The following LRRC4C variants were observed in gnomAD, a reference collection of about 807,000 sequenced individuals.
The protein encoded by LRRC4C is leucine rich repeat containing 4C.
In LRRC4C, 5 loss-of-function variants were observed where a neutral mutation model predicts 33.6. The ratio of observed to expected loss-of-function variants is 0.15; its 90% confidence interval spans 0.08 to 0.31. The LOEUF is 0.31. Among genes scored for constraint, LRRC4C ranks in the 10% least tolerant of loss-of-function variants. LRRC4C has a pLI of 1.00. For missense variants in LRRC4C, 560 were observed against 796.7 expected, an observed-to-expected ratio of 0.70 and a Z score of 3.58; for synonymous variants, 329 against 302.0, an observed-to-expected ratio of 1.09 and a Z score of -0.93.
intron 4 of LRRC4C, among the ~76,000 whole-genome samples, chr11:40,297,837 A>T (rs1944588120): frequency 6.6e-6 from 1 of 152,184 alleles, no homozygotes; most frequent in Non-Finnish European, 1.5e-5. Flanking sequence ...TAAATAAGGG[A>T]ACCTAGCTAG....
At chr11:40,241,966 C>T (rs1461473561) in intron 4 of LRRC4C, 1 of 152,022 alleles carries the variant, frequency 6.6e-6, no homozygotes, top group Non-Finnish European at 1.5e-5. Flanking sequence ...CTGTCTGGGC[C>T]CTGCTTCAGG....
chr11:40,479,358 T>C (rs2138384570), intron 3 of LRRC4C, among the ~76,000 whole-genome samples: 1 of 152,326 alleles, frequency 6.6e-6, no homozygotes, highest in South Asian at 2.1e-4. Flanking sequence ...TTTAGGAAAG[T>C]GGTCCATTTT....
intron 2 of LRRC4C, among the ~76,000 whole-genome samples, chr11:40,780,325 T>C (rs1274878624): frequency 6.6e-6 from 1 of 152,160 alleles, no homozygotes; most frequent in Non-Finnish European, 1.5e-5. Flanking sequence ...TGGACCTACA[T>C]ACACAGGAAT....
At chr11:40,186,690 A>G (rs1861426912) in intron 5 of LRRC4C, among the ~76,000 whole-genome samples, 1 of 152,200 alleles carries the variant, frequency 6.6e-6, no homozygotes, top group African/African-American at 2.4e-5. Context: ...TGTCGGGCTC[A>G]GCATAAGTTT....
intron 3 of LRRC4C, among the ~76,000 whole-genome samples, chr11:40,384,887 A>G (rs929902459): frequency 2.0e-5 from 3 of 152,146 alleles, no homozygotes; most frequent in African/African-American, 7.2e-5. Flanking sequence ...AATTCTGGAA[A>G]TTATCCTGCA....
At chr11:41,227,405 A>T (rs1053099733) in intron 1 of LRRC4C, among the ~76,000 whole-genome samples, 2 of 152,184 alleles carry the variant, frequency 1.3e-5, no homozygotes, top group Non-Finnish European at 2.9e-5. Flanking sequence ...TTAACATGTT[A>T]TTATGAGAAT....
intron 2 of LRRC4C, among the ~76,000 whole-genome samples, chr11:40,786,685 T>C (rs1464507349): frequency 1.3e-5 from 2 of 152,154 alleles, no homozygotes; most frequent in Admixed American, 1.3e-4. Flanking sequence ...TTGGTGTATG[T>C]AACAAGGGTC....
chr11:41,282,735 T>C (rs1949712307), intron 1 of LRRC4C, among the ~76,000 whole-genome samples: 1 of 152,140 alleles, frequency 6.6e-6, no homozygotes, highest in Non-Finnish European at 1.5e-5. Flanking sequence ...TGAGCAAATA[T>C]ATGTGGCCTT....
At chr11:40,464,495 G>A (rs1952559923) in intron 3 of LRRC4C, among the ~76,000 whole-genome samples, 1 of 151,950 alleles carries the variant, frequency 6.6e-6, no homozygotes. Context: ...GAAAGAGAAA[G>A]ATATAAAAGG....
intron 1 of LRRC4C, among the ~76,000 whole-genome samples, chr11:41,116,529 T>C (rs7128323): frequency 1.1e-4 from 16 of 152,032 alleles, no homozygotes; most frequent in Admixed American, 3.3e-4. Flanking sequence ...CAAAATACAG[T>C]AACAGTAATA....
At chr11:40,390,031 A>G (rs1424752732) in intron 3 of LRRC4C, among the ~76,000 whole-genome samples, 1 of 152,204 alleles carries the variant, frequency 6.6e-6, no homozygotes, top group African/African-American at 2.4e-5. Context: ...GACAATTTAT[A>G]ATTACATCAA....
intron 1 of LRRC4C, among the ~76,000 whole-genome samples, chr11:41,457,275 T>A (rs189719746): frequency 7.9e-5 from 12 of 152,278 alleles, no homozygotes; most frequent in Admixed American, 7.8e-4. Context: ...CAGAACGACA[T>A]TTTTAAAGGA....
intron 1 of LRRC4C, among the ~76,000 whole-genome samples, chr11:41,117,770 G>T (rs1451707522): frequency 6.6e-6 from 1 of 151,882 alleles, no homozygotes; most frequent in Non-Finnish European, 1.5e-5. Flanking sequence ...GGTGCAATAG[G>T]ACCATTTCAA....
At position 40,114,531 on chromosome 11, in the gene LRRC4C, G is replaced by C. The variant is rs1195054432; in HGVS notation, c.1762C>G (p.Pro588Ala). 6.2e-7 allele frequency: 1 copy of C among 1,614,134 alleles called. No homozygotes were observed. Among genetic ancestry groups the C allele is most frequent in the South Asian group, 1.1e-5 (1 of 91,076 alleles). ...TTTAGGTGCTCATGCTCGATAGCAG[G>C]CATGGGCAGGTGGCTTTCCATGGGT... ...DTPMESHLPM[P>A]AIEHEHLNHY... is the part of the protein sequence containing the mutation. The change falls in exon 7 of 7, where the codon CCT (proline) becomes GCT (alanine). Residue 588 changes from proline (P) to alanine (A), a missense_variant. By Grantham distance (27) the Pro-to-Ala change is conservative. This residue lies in a region of LRRC4C where 103 missense variants were observed against 132.1 expected (regional missense o/e 0.78). Transcript: ENST00000528697.
chr11:40,597,463 T>C (rs1311503543), intron 3 of LRRC4C, among the ~76,000 whole-genome samples: 10 of 152,194 alleles, frequency 6.6e-5, no homozygotes, highest in African/African-American at 2.4e-4. Context: ...ATAATCTCTA[T>C]TGTCTATCAT....
intron 3 of LRRC4C, among the ~76,000 whole-genome samples, chr11:40,359,829 T>G (rs893694382): frequency 4.6e-5 from 7 of 152,108 alleles, no homozygotes; most frequent in Non-Finnish European, 1.0e-4. Context: ...AAAATTAGAG[T>G]TAGAATTGAA....
At chr11:40,311,956 A>G (rs898695327) in intron 4 of LRRC4C, among the ~76,000 whole-genome samples, 2 of 151,712 alleles carry the variant, frequency 1.3e-5, no homozygotes, top group African/African-American at 4.8e-5. Context: ...AAAAAAAAAA[A>G]AAAAAAAAGT....
At chr11:40,546,698 A>T (rs370606702) in intron 3 of LRRC4C, among the ~76,000 whole-genome samples, 16 of 152,252 alleles carry the variant, frequency 1.1e-4, no homozygotes, top group African/African-American at 3.6e-4. Context: ...AGTGGCAAAT[A>T]TATACCACCA....
chr11:40,773,679 G>A (rs1021922379), intron 2 of LRRC4C, among the ~76,000 whole-genome samples: 1 of 151,912 alleles, frequency 6.6e-6, no homozygotes, highest in African/African-American at 2.4e-5. Context: ...GAACATTATT[G>A]TTACCACTTA....
Sources: allele counts gnomAD v4.1 joint callset (sites outside exome capture counted in the v4.1 genomes callset), GRCh38; gene constraint gnomAD v4.1.1; regional missense constraint gnomAD v4.1.1; transcripts MANE v1.5; gene names NCBI Gene and HGNC (gene_info 2026-07-23, HGNC 2026-07-21).